The following DPP10 variants were observed in gnomAD, a reference collection of about 807,000 sequenced individuals.
The protein encoded by DPP10 is inactive dipeptidyl peptidase 10.
DPP10 carries 33 observed loss-of-function variants against 120.9 expected under a neutral mutation model. That is an observed-to-expected ratio of 0.27 (90% confidence interval 0.21 to 0.37). DPP10 has a LOEUF of 0.37. Among genes scored for constraint, DPP10 ranks in the 10% least tolerant of loss-of-function variants. The probability of loss-of-function intolerance (pLI) is 1.00; values close to 1 mark genes in which losing one functional copy is unlikely to be tolerated. For missense variants in DPP10, 816 were observed against 942.8 expected (o/e 0.87, Z 1.76); for synonymous variants, 337 against 326.1 (o/e 1.03, Z -0.36).
chr2:115,403,925 A>G (rs947359153), intron 3 of DPP10, among the ~76,000 whole-genome samples: 1 of 152,198 alleles, frequency 6.6e-6, no homozygotes. Context: ...ATGTGCAAAA[A>G]TCAGTAGCTT....
At position 115,221,357 on chromosome 2, in the gene DPP10, A is replaced by G. The variant is rs143586790; in HGVS notation, c.61-87882A>G. Among the ~76,000 whole-genome samples the G allele has an allele frequency of 4.6e-5, 7 of 152,254 alleles. No individual in the cohort carries two copies. In the East Asian group the frequency reaches 9.7e-4, roughly 21 times the overall value. On this transcript the variant is annotated intron_variant, in intron 1 of 25. Coordinates refer to ENST00000410059, the MANE Select transcript of DPP10 (RefSeq NM_020868.6). ...TAGCATATGTTCCCTGTAGGAATTC[A>G]GGTTTGTTGCTTTTGCGTTATACTC...
intron 5 of DPP10, among the ~76,000 whole-genome samples, chr2:115,686,006 A>G (rs753486669): frequency 6.6e-6 from 1 of 152,106 alleles, no homozygotes; most frequent in East Asian, 1.9e-4. Flanking sequence ...TCATAGACAT[A>G]TGCAGAATAA....
At chr2:114,782,846 G>C (rs1291085745) in intron 1 of DPP10, among the ~76,000 whole-genome samples, 1 of 152,040 alleles carries the variant, frequency 6.6e-6, no homozygotes, top group Non-Finnish European at 1.5e-5. Context: ...AGAGTGCAGT[G>C]AAAAGAACAG....
chr2:114,644,915 T>C (rs1696003799), intron 1 of DPP10, among the ~76,000 whole-genome samples: 4 of 151,944 alleles, frequency 2.6e-5, no homozygotes, highest in African/African-American at 9.7e-5. Context: ...ACTGATTTTC[T>C]GAGACTAGGC....
chr2:115,663,447 T>C (rs76012601), intron 5 of DPP10, among the ~76,000 whole-genome samples: 11,792 of 152,220 alleles, frequency 0.077, 649 homozygotes, highest in Non-Finnish European at 0.11. Flanking sequence ...TCTTGACTTT[T>C]TTCTGTCAAG....
chr2:115,710,328 T>C (rs1486991833), intron 7 of DPP10, among the ~76,000 whole-genome samples: 1 of 152,110 alleles, frequency 6.6e-6, no homozygotes, highest in African/African-American at 2.4e-5. Flanking sequence ...AATGACAGTA[T>C]GGGGGTATGT....
intron 1 of DPP10, among the ~76,000 whole-genome samples, chr2:114,449,016 ATACTGACATTT>A (rs1678104177): frequency 6.6e-6 from 1 of 152,194 alleles, no homozygotes; most frequent in Admixed American, 6.6e-5. Flanking sequence ...TCAAAGAAGT[ATACTGACATTT>A]TGGCTTTTGA....
intron 5 of DPP10, among the ~76,000 whole-genome samples, chr2:115,629,451 A>G (rs1259339976): frequency 2.0e-5 from 3 of 151,896 alleles, no homozygotes; most frequent in Admixed American, 1.3e-4. Context: ...AAGTGTTCCT[A>G]TTTCTCCACA....
intron 1 of DPP10, among the ~76,000 whole-genome samples, chr2:114,925,748 G>A (rs376361449): frequency 3.3e-5 from 5 of 152,096 alleles, no homozygotes; most frequent in Non-Finnish European, 5.9e-5. Context: ...GAATGTGTAC[G>A]TGCAGGGATA....
At chr2:115,788,701 A>G (rs6727058) in intron 17 of DPP10, among the ~76,000 whole-genome samples, 17,698 of 152,230 alleles carry the variant, frequency 0.12, 1,213 homozygotes, top group African/African-American at 0.18. Flanking sequence ...GAAGAAATAC[A>G]GTATATAAAT....
intron 1 of DPP10, among the ~76,000 whole-genome samples, chr2:114,542,815 T>A (rs1558863901): frequency 6.6e-6 from 1 of 152,226 alleles, no homozygotes; most frequent in Admixed American, 6.5e-5. Context: ...CCTCCAAAAC[T>A]GAATGTGCCT....
In DPP10 at chr2:115,766,544, C is replaced by T. The variant is rs146491109; in HGVS notation, c.1114-1753C>T. ...TTTGCACCAGTCTCATACATACATA[C>T]ATTCATATACAAACAAACGCATACA... is the stretch of plus-strand genomic sequence containing the variant. On this transcript the variant is annotated intron_variant, in intron 12 of 25. Transcript: ENST00000410059. 4.8e-3 allele frequency among the ~76,000 whole-genome samples: 733 copies of T among 151,886 alleles called. 10 individuals are homozygous for T. The highest frequency in any genetic ancestry group is 0.017 in the African/African-American group (701 of 41,422).
chr2:115,243,293 A>G (rs776990628), intron 1 of DPP10, among the ~76,000 whole-genome samples: 2 of 152,150 alleles, frequency 1.3e-5, no homozygotes, highest in South Asian at 2.1e-4. Flanking sequence ...CGATGGGCCC[A>G]TTAACCCTAC....
chr2:115,323,800 G>A (rs1477411758), intron 2 of DPP10, among the ~76,000 whole-genome samples: 1 of 152,172 alleles, frequency 6.6e-6, no homozygotes, highest in Non-Finnish European at 1.5e-5. Flanking sequence ...TTTATGAGTA[G>A]TAAGTCTCAG....
intron 1 of DPP10, among the ~76,000 whole-genome samples, chr2:114,979,919 G>A (rs1208165158): frequency 6.6e-6 from 1 of 152,018 alleles, no homozygotes; most frequent in African/African-American, 2.4e-5. Flanking sequence ...AAGTCGGTTG[G>A]TATCTTCCTA....
intron 2 of DPP10, among the ~76,000 whole-genome samples, chr2:115,321,515 G>T (rs200092255): frequency 7.5e-4 from 91 of 121,508 alleles, no homozygotes; most frequent in East Asian, 9.9e-4. Context: ...TTTTTTTAGT[G>T]TTTTTTTTTT....
chr2:115,700,223 G>A (rs1297150702), intron 7 of DPP10, among the ~76,000 whole-genome samples: 1 of 152,142 alleles, frequency 6.6e-6, no homozygotes, highest in Non-Finnish European at 1.5e-5. Context: ...TCTCCCAGCA[G>A]GCCCCTCCTC....
intron 1 of DPP10, among the ~76,000 whole-genome samples, chr2:115,273,702 A>G (rs528503167): frequency 1.3e-5 from 2 of 152,310 alleles, no homozygotes; most frequent in African/African-American, 4.8e-5. Flanking sequence ...TTGACCTAAA[A>G]TGTGATATTT....
intron 19 of DPP10, among the ~76,000 whole-genome samples, chr2:115,808,032 A>G (rs1686209740): frequency 6.6e-6 from 1 of 152,216 alleles, no homozygotes; most frequent in African/African-American, 2.4e-5. Context: ...ATTTAAAAGC[A>G]ATCACTGCTA....
Sources: allele counts gnomAD v4.1 joint callset (sites outside exome capture counted in the v4.1 genomes callset), GRCh38; gene constraint gnomAD v4.1.1; transcripts MANE v1.5; gene names NCBI Gene and HGNC (gene_info 2026-07-23, HGNC 2026-07-21).